KCNMB2: variants seen among roughly 807,000 people sequenced by gnomAD.
KCNMB2 encodes the protein calcium-activated potassium channel subunit beta-2.
KCNMB2 carries 9 observed loss-of-function variants against 24.5 expected under a neutral mutation model. The ratio of observed to expected loss-of-function variants is 0.37; its 90% CI spans 0.22 to 0.64. The LOEUF is 0.64. KCNMB2 is among the 30% of genes least tolerant of loss of function. The pLI is 0.63. For missense variants in KCNMB2, 226 were observed against 284.3 expected (o/e 0.79, Z 1.47); for synonymous variants, 109 against 104.4 (o/e 1.04, Z -0.27).
At chr3:178,586,538 C>CGTTTTTTT (rs1313147122) in intron 1 of KCNMB2, among the ~76,000 whole-genome samples, 1 of 68,496 alleles carries the variant, frequency 1.5e-5, no homozygotes, top group Admixed American at 2.5e-4. Context: ...TTTTTTCTTT[C>CGTTTTTTT]TTTTTTTTTT....
At chr3:178,650,484 T>C (rs546772123) in intron 1 of KCNMB2, among the ~76,000 whole-genome samples, 78 of 152,204 alleles carry the variant, frequency 5.1e-4, no homozygotes, top group South Asian at 1.5e-3. Context: ...CGTCTTTTTG[T>C]AGGTGTCTAA....
chr3:178,737,019 C>T (rs1723339791), intron 1 of KCNMB2, among the ~76,000 whole-genome samples: 1 of 152,162 alleles, frequency 6.6e-6, no homozygotes, highest in Non-Finnish European at 1.5e-5. Flanking sequence ...CCTGTAATCC[C>T]AACACTTTGG....
chr3:178,761,328 A>G (rs1338946345), intron 1 of KCNMB2, among the ~76,000 whole-genome samples: 1 of 152,214 alleles, frequency 6.6e-6, no homozygotes, highest in Non-Finnish European at 1.5e-5. Context: ...ACATGGAACG[A>G]GCAATAGAAA....
intron 2 of KCNMB2, among the ~76,000 whole-genome samples, chr3:178,816,549 C>T (rs1034254264): frequency 5.3e-5 from 8 of 151,996 alleles, no homozygotes; most frequent in African/African-American, 1.9e-4. Flanking sequence ...TCCTAACTTA[C>T]TAATTTGGAT....
intron 1 of KCNMB2, among the ~76,000 whole-genome samples, chr3:178,699,835 T>C (rs934252861): frequency 2.0e-4 from 30 of 152,334 alleles, no homozygotes; most frequent in African/African-American, 6.5e-4. Context: ...CCACCACTTC[T>C]CTAGGCAGCT....
intron 1 of KCNMB2, among the ~76,000 whole-genome samples, chr3:178,550,805 C>T (rs1715926492): frequency 6.6e-6 from 1 of 152,032 alleles, no homozygotes; most frequent in Non-Finnish European, 1.5e-5. Context: ...TGAATACCGG[C>T]CACACAAGGG....
chr3:178,723,528 G>T lies in KCNMB2; in HGVS notation c.-67-83815G>T, dbSNP rs186695991. On this transcript the variant is annotated intron_variant, in intron 1 of 4. Coordinates refer to ENST00000452583, the MANE Select transcript of KCNMB2 (RefSeq NM_181361.3). ...TTTTATTGTCATTCAAGGAATACATGTGCAGGTTTATTACTTATTACATTA... is the reference window on the plus strand; with the variant it reads ...TTTTATTGTCATTCAAGGAATACATTTGCAGGTTTATTACTTATTACATTA... 3.4e-3 allele frequency among the ~76,000 whole-genome samples: 525 copies of T among 152,226 alleles called. 1 individual carries two copies. The highest frequency in any genetic ancestry group is 4.4e-3 in the Non-Finnish European group (296 of 68,004).
At chr3:178,685,509 G>A (rs556639544) in intron 1 of KCNMB2, among the ~76,000 whole-genome samples, 76 of 152,286 alleles carry the variant, frequency 5.0e-4, no homozygotes, top group African/African-American at 1.7e-3. Context: ...CAGAGACCAA[G>A]GTGGCTATTG....
Position 178,587,495 on chromosome 3 carries a change from C to T in KCNMB2, c.-68+50784C>T, listed in dbSNP as rs573897670. On this transcript the variant is annotated intron_variant, in intron 1 of 4. Transcript: ENST00000452583. Reference sequence around the variant, plus strand: ...CTGGAGTGCAATGGTGCCATCTTGGCTCACTGCAACCTCCGCCTCCCGGGT... The same window carrying T: ...CTGGAGTGCAATGGTGCCATCTTGGTTCACTGCAACCTCCGCCTCCCGGGT... Among the ~76,000 whole-genome samples the T allele has an allele frequency of 2.4e-3, 364 of 152,254 alleles. 1 individual carries two copies. The highest frequency in any genetic ancestry group is 8.5e-3 in the African/African-American group (352 of 41,554).
intron 1 of KCNMB2, among the ~76,000 whole-genome samples, chr3:178,778,926 C>T (rs1285570243): frequency 1.3e-5 from 2 of 150,512 alleles, no homozygotes; most frequent in African/African-American, 2.4e-5. Context: ...ACTTGGAGTC[C>T]ATACTGCAGC....
intron 1 of KCNMB2, among the ~76,000 whole-genome samples, chr3:178,590,882 C>T (rs1164669094): frequency 1.3e-5 from 2 of 152,100 alleles, no homozygotes; most frequent in Non-Finnish European, 2.9e-5. Flanking sequence ...GATTTTGGTG[C>T]AGGACTGGTA....
intron 1 of KCNMB2, among the ~76,000 whole-genome samples, chr3:178,670,647 AC>A (rs1350310685): frequency 6.6e-6 from 1 of 152,182 alleles, no homozygotes; most frequent in Non-Finnish European, 1.5e-5. Flanking sequence ...AGGTAATAAA[AC>A]TGAGGCTCAA....
intron 1 of KCNMB2, among the ~76,000 whole-genome samples, chr3:178,806,917 T>C (rs13091964): frequency 0.047 from 7,223 of 152,212 alleles, 244 homozygotes; most frequent in Non-Finnish European, 0.073. Context: ...CTTGTCAGCA[T>C]TTTAAAGAAA....
intron 1 of KCNMB2, among the ~76,000 whole-genome samples, chr3:178,627,996 C>T (rs931682291): frequency 4.6e-5 from 7 of 152,114 alleles, no homozygotes; most frequent in African/African-American, 1.4e-4. Context: ...TGACAATGAG[C>T]GCAAACTAAC....
chr3:178,575,304 G>A (rs1481387038), intron 1 of KCNMB2, among the ~76,000 whole-genome samples: 2 of 152,092 alleles, frequency 1.3e-5, no homozygotes, highest in East Asian at 3.8e-4. Flanking sequence ...TGGGTTCTGG[G>A]GTAGGGGGTT....
intron 1 of KCNMB2, among the ~76,000 whole-genome samples, chr3:178,691,105 G>GTTTTTTTTTTTTTTTTTTTTT (rs1310077931): frequency 6.7e-4 from 22 of 32,922 alleles, no homozygotes; most frequent in Non-Finnish European, 9.8e-4. Flanking sequence ...TCCCCATTAA[G>GTTTTTTTTTTTTTTTTTTTTT]TCTTTTTTTT....
intron 1 of KCNMB2, among the ~76,000 whole-genome samples, chr3:178,756,149 A>C (rs1272492995): frequency 6.6e-6 from 1 of 152,166 alleles, no homozygotes; most frequent in Non-Finnish European, 1.5e-5. Context: ...AAAATTGTGA[A>C]AAGCATGATC....
chr3:178,753,046 T>C (rs1281075472), intron 1 of KCNMB2, among the ~76,000 whole-genome samples: 1 of 152,186 alleles, frequency 6.6e-6, no homozygotes, highest in African/African-American at 2.4e-5. Flanking sequence ...CATTTTATAC[T>C]AGGTTTGCTC....
chr3:178,612,939 CT>C (rs1452699278), intron 1 of KCNMB2, among the ~76,000 whole-genome samples: 2 of 152,008 alleles, frequency 1.3e-5, no homozygotes, highest in Non-Finnish European at 1.5e-5. Flanking sequence ...TACCATGAGG[CT>C]TGCAAATATT....
Sources: gnomAD v4.1 joint callset for allele counts (sites outside exome capture counted in the v4.1 genomes callset) on GRCh38, gnomAD v4.1.1 for gene constraint, MANE v1.5 for transcripts, NCBI Gene and HGNC (gene_info 2026-07-23, HGNC 2026-07-21) for gene names.